Variants in ASB1 observed in about 807,000 individuals in gnomAD.
ASB1 encodes ankyrin repeat and SOCS box protein 1.
A neutral mutation model predicts 27.7 loss-of-function variants in ASB1; 18 were observed. The ratio of observed to expected loss-of-function variants is 0.65; its 90% CI spans 0.45 to 0.96. ASB1 has a LOEUF of 0.96. Among genes scored for constraint, ASB1 ranks in the 50% least tolerant of loss-of-function variants. The probability of loss-of-function intolerance (pLI) is 0.00; values close to 1 mark genes in which losing one functional copy is unlikely to be tolerated. For missense variants in ASB1, 397 were observed against 451.7 expected (o/e 0.88, Z 1.10); for synonymous variants, 189 against 187.6 (o/e 1.01, Z -0.06).
In ASB1 at chr2:238,427,041, T is replaced by TG; in HGVS notation, c.-30_-29insG. The TG allele has an allele frequency of 8.0e-7, 1 of 1,256,290 alleles. No individual in the cohort carries two copies. The allele number at this position is 1,256,290 out of a possible 1,614,324, so 77.8% of individuals were successfully genotyped here. A position where few individuals can be genotyped will look rare whatever the true frequency, so the allele number is the denominator to read the frequency against. On this transcript the variant is annotated 5_prime_UTR_variant, in exon 1 of 5. Transcript: ENST00000264607. Reference sequence around the variant, plus strand: ...TTCCTGCCCGAGGGGCGTGCGCGGGTCAGGGGCGGCCGCGGAGGCGGAAGC... The same window carrying TG: ...TTCCTGCCCGAGGGGCGTGCGCGGGTGCAGGGGCGGCCGCGGAGGCGGAAGC...
chr2:238,431,016 C>T (rs1338161550), intron 1 of ASB1, among the ~76,000 whole-genome samples: 7 of 152,246 alleles, frequency 4.6e-5, no homozygotes, highest in African/African-American at 1.7e-4. Flanking sequence ...TCACCAGCTG[C>T]GTTAGCCCCT....
At chr2:238,427,219 C>A in intron 1 of ASB1, 100 bp downstream of exon 1, 1 of 961,040 alleles carries the variant, frequency 1.0e-6, no homozygotes, top group Non-Finnish European at 1.3e-6. Context: ...CCCGGGCTGG[C>A]CGGGTCCACG....
Position 238,435,772 on chromosome 2 carries a change from G to C in ASB1, c.253G>C (p.Ala85Pro). 6.2e-7 allele frequency: 1 copy of C among 1,614,056 alleles called. No homozygotes were observed. ...GCTCCCCTGCACACCGTTGCGAATC[G>C]CGGCCACTGCAGGCCATGGGAGCTG... Reference protein sequence around the residue: ...GWLPCTPLRIAATAGHGSCVD... With the variant: ...GWLPCTPLRIPATAGHGSCVD... The change falls in exon 3 of 5, where the codon GCG becomes CCG. Residue 85 changes from alanine to proline, a missense_variant. By Grantham distance (27) the Ala-to-Pro change is conservative. Coordinates refer to ENST00000264607, the MANE Select transcript of ASB1 (RefSeq NM_001040445.3).
intron 2 of ASB1, 68 bp from the exon 3 acceptor site, chr2:238,435,642 AG>A (rs1370599913): frequency 2.0e-6 from 3 of 1,479,646 alleles, no homozygotes; most frequent in Middle Eastern, 1.9e-4. Flanking sequence ...TGCCAGGGTG[AG>A]GGGGGCAGTG....
chr2:238,444,805 A>G, intron 4 of ASB1, 78 bp downstream of exon 4: 3 of 1,473,326 alleles, frequency 2.0e-6, no homozygotes, highest in Non-Finnish European at 2.7e-6. Context: ...AACAAAAAAC[A>G]AAAACCTCCA....
rs1701768230 is a variant in ASB1, at chr2:238,427,049, G to T, written c.-22G>T. On this transcript the variant is annotated 5_prime_UTR_variant, in exon 1 of 5. Transcript: ENST00000264607. ...CGAGGGGCGTGCGCGGGTCAGGGGC[G>T]GCCGCGGAGGCGGAAGCATCCATGG... is the stretch of plus-strand genomic sequence containing the variant. The T allele has an allele frequency of 8.7e-6, 11 of 1,258,700 alleles. No individual in the cohort carries two copies. In the East Asian group the frequency reaches 3.2e-4, roughly 36 times the overall value. The allele number at this position is 1,258,700 out of a possible 1,614,324, so 78.0% of individuals were successfully genotyped here. A position where few individuals can be genotyped will look rare whatever the true frequency, so the allele number is the denominator to read the frequency against.
chr2:238,447,912 C>T lies in ASB1; in HGVS notation c.*1401C>T, dbSNP rs936820932. ...GAGGATAGAATTCTATACCCCCAAC[C>T]CCTTGTGTCACAAATGGGCTCTGTG... On this transcript the variant is annotated 3_prime_UTR_variant, in exon 5 of 5. Transcript: ENST00000264607. 1 of 152,288 alleles carries T rather than the reference C, an allele frequency of 6.6e-6. No individual in the cohort carries two copies. The highest frequency in any genetic ancestry group is 3.2e-3 in the Middle Eastern group (1 of 316). The allele number at this position is 152,288 out of a possible 1,614,324, so 9.4% of individuals were successfully genotyped here.
At position 238,449,253 on chromosome 2, in the gene ASB1, C is replaced by T. The variant is rs1702234935; in HGVS notation, c.*2742C>T. 1 of 152,238 alleles carries T rather than the reference C, an allele frequency of 6.6e-6. No individual in the cohort carries two copies. Among genetic ancestry groups the T allele is most frequent in the Admixed American group, 6.5e-5 (1 of 15,292 alleles). The allele number at this position is 152,238 out of a possible 1,614,324, so 9.4% of individuals were successfully genotyped here. A position where few individuals can be genotyped will look rare whatever the true frequency, so the allele number is the denominator to read the frequency against. On this transcript the variant is annotated 3_prime_UTR_variant, in exon 5 of 5. Transcript: ENST00000264607. Reference sequence around the variant, plus strand: ...AGGTTACAGAATAGGAAGAGTAGCACTTTCCGCCTAAGCACTTTAGGAAAT... The same window carrying T: ...AGGTTACAGAATAGGAAGAGTAGCATTTTCCGCCTAAGCACTTTAGGAAAT...
At position 238,444,641 on chromosome 2, in the gene ASB1, T is replaced by C; in HGVS notation, c.794T>C (p.Leu265Pro). Reference protein sequence around the residue: ...LLVEFGANLNLVKWESLGPES... With the variant: ...LLVEFGANLNPVKWESLGPES... Reference sequence around the variant, plus strand: ...GTAGAATTTGGAGCCAACCTGAATCTAGTGAAGTGGGAATCGCTGGGCCCA... The same window carrying C: ...GTAGAATTTGGAGCCAACCTGAATCCAGTGAAGTGGGAATCGCTGGGCCCA... Residue 265 changes from leucine (L) to proline (P), a missense_variant, in exon 4 of 5, where the codon CTA becomes CCA. Leu to Pro is a moderately conservative substitution (Grantham distance 98). Transcript: ENST00000264607. The C allele has an allele frequency of 6.2e-7, 1 of 1,614,056 alleles. No individual in the cohort carries two copies. Among genetic ancestry groups the C allele is most frequent in the South Asian group, 1.1e-5 (1 of 91,070 alleles).
At position 238,446,578 on chromosome 2, in the gene ASB1, C is replaced by G. The variant is rs1391738010; in HGVS notation, c.*67C>G. 4.4e-6 allele frequency: 7 copies of G among 1,585,506 alleles called. No individual in the cohort carries two copies. The highest frequency in any genetic ancestry group is 6.0e-6 in the Non-Finnish European group (7 of 1,164,226). ...TCTGCAGGGAGGTGGACACCGAGCC[C>G]TGAGTGCTGTGCTGCTGCTGGTCTC... On this transcript the variant is annotated 3_prime_UTR_variant, in exon 5 of 5. Coordinates refer to ENST00000264607, the MANE Select transcript of ASB1 (RefSeq NM_001040445.3).
chr2:238,445,804 A>G (rs1187289930), intron 4 of ASB1, among the ~76,000 whole-genome samples: 1 of 152,240 alleles, frequency 6.6e-6, no homozygotes, highest in Non-Finnish European at 1.5e-5. Flanking sequence ...CCTTCCCACA[A>G]ATAGTTAATG....
At chr2:238,434,765 G>A (rs1214947850) in intron 2 of ASB1, among the ~76,000 whole-genome samples, 1 of 152,196 alleles carries the variant, frequency 6.6e-6, no homozygotes, top group African/African-American at 2.4e-5. Context: ...GTTCGGTGAG[G>A]TCTCAGCCCA....
Position 238,449,046 on chromosome 2 carries a change from C to T in ASB1, c.*2535C>T, listed in dbSNP as rs143895973. 1 of 152,236 alleles carries T rather than the reference C, an allele frequency of 6.6e-6. No individual in the cohort carries two copies. The highest frequency in any genetic ancestry group is 2.4e-5 in the African/African-American group (1 of 41,452). The allele number at this position is 152,236 out of a possible 1,614,324, so 9.4% of individuals were successfully genotyped here. A position where few individuals can be genotyped will look rare whatever the true frequency, so the allele number is the denominator to read the frequency against. ...GCAGAGGACATGTTCAACTTCCTCT[C>T]TGTTCAAGCCAGCCTTTGCCAATTT... On this transcript the variant is annotated 3_prime_UTR_variant, in exon 5 of 5. Coordinates refer to ENST00000264607, the MANE Select transcript of ASB1 (RefSeq NM_001040445.3).
intron 3 of ASB1, 104 bp downstream of exon 3, chr2:238,436,117 C>T: frequency 8.6e-7 from 1 of 1,159,530 alleles, no homozygotes; most frequent in East Asian, 2.6e-5. Flanking sequence ...GATGACTCGC[C>T]TGTTTTGCTG....
chr2:238,431,731 A>G (rs1701874488), intron 1 of ASB1, among the ~76,000 whole-genome samples: 1 of 150,962 alleles, frequency 6.6e-6, no homozygotes, highest in African/African-American at 2.4e-5. Flanking sequence ...TGTCTGGGGA[A>G]CAGGGAGGCC....
In ASB1 at chr2:238,443,706, A is replaced by G. The variant is rs371572474; in HGVS notation, c.495-636A>G. ...TTTCTGTTTTCTTGAGCATTTTTAA[A>G]CATGCATAGCTCTTGAGTTTTGTCA... On this transcript the variant is annotated intron_variant, in intron 3 of 4. Coordinates refer to ENST00000264607, the MANE Select transcript of ASB1 (RefSeq NM_001040445.3). Among the ~76,000 whole-genome samples the G allele has an allele frequency of 5.3e-5, 8 of 150,676 alleles. No homozygotes were observed. The East Asian group carries it at 1.6e-3, about 29-fold the overall frequency.
intron 3 of ASB1, among the ~76,000 whole-genome samples, chr2:238,442,626 A>T (rs1430600303): frequency 6.6e-6 from 1 of 152,160 alleles, no homozygotes; most frequent in Non-Finnish European, 1.5e-5. Flanking sequence ...TTGTGTCAGA[A>T]TTAGGCAAAT....
chr2:238,428,588 C>T (rs938344756), intron 1 of ASB1, among the ~76,000 whole-genome samples: 4 of 152,240 alleles, frequency 2.6e-5, no homozygotes, highest in Non-Finnish European at 5.9e-5. Context: ...GCAGCCACCA[C>T]ACTCAGCTGA....
At chr2:238,429,204 A>G (rs907497990) in intron 1 of ASB1, among the ~76,000 whole-genome samples, 4 of 152,188 alleles carry the variant, frequency 2.6e-5, no homozygotes, top group African/African-American at 9.7e-5. Flanking sequence ...CAATGTCAGC[A>G]TCTGGAAAGA....
Sources: allele counts gnomAD v4.1 joint callset (sites outside exome capture counted in the v4.1 genomes callset), GRCh38; gene constraint gnomAD v4.1.1; transcripts MANE v1.5; gene names NCBI Gene and HGNC (gene_info 2026-07-23, HGNC 2026-07-21).